INTS6: variants seen among roughly 807,000 people sequenced by gnomAD.
The protein encoded by INTS6 is DEAD box protein.
Under a neutral mutation model 104.9 loss-of-function variants are expected in INTS6, and 16 were observed. The ratio of observed to expected loss-of-function variants is 0.15; its 90% CI spans 0.10 to 0.23. INTS6 has a LOEUF of 0.23. Among genes scored for constraint, INTS6 ranks in the 10% least tolerant of loss-of-function variants. The pLI is 1.00. For synonymous variants in INTS6, 324 were observed against 358.7 expected (o/e 0.90, Z 1.09); for missense variants, 584 against 1,062.8 (o/e 0.55, Z 6.26).
intron 4 of INTS6, among the ~76,000 whole-genome samples, chr13:51,402,102 T>C (rs560713917): frequency 6.6e-6 from 1 of 152,274 alleles, no homozygotes; most frequent in African/African-American, 2.4e-5. Context: ...AGTGGCAATA[T>C]ATTTTTCTCC....
intron 4 of INTS6, among the ~76,000 whole-genome samples, chr13:51,406,319 T>C (rs1358472178): frequency 1.3e-5 from 2 of 152,194 alleles, no homozygotes; most frequent in South Asian, 4.1e-4. Context: ...TCAAAGGGTA[T>C]GTCAAACTAA....
chr13:51,352,684 TC>T (rs1955417932), downstream of INTS6, among the ~76,000 whole-genome samples: 1 of 152,150 alleles, frequency 6.6e-6, no homozygotes, highest in Admixed American at 6.5e-5. Context: ...GGGAAAGTTT[TC>T]AGTCTTTTAC....
intron 7 of INTS6, among the ~76,000 whole-genome samples, chr13:51,386,460 AAAAAG>A (rs1483252447): frequency 7.2e-5 from 11 of 152,220 alleles, no homozygotes; most frequent in Admixed American, 7.2e-4. Flanking sequence ...TCTATCAGAA[AAAAAG>A]AAAAGGTATA....
At chr13:51,406,421 A>AT (rs11369537) in intron 4 of INTS6, among the ~76,000 whole-genome samples, 75,389 of 150,642 alleles carry the variant, frequency 0.5, 19,669 homozygotes, top group African/African-American at 0.67. Flanking sequence ...CATTTATCGA[A>AT]TAATGGATAA....
intron 5 of INTS6, among the ~76,000 whole-genome samples, chr13:51,392,486 A>G (rs985679665): frequency 6.6e-6 from 1 of 152,128 alleles, no homozygotes; most frequent in South Asian, 2.1e-4. Context: ...CTATTACTCT[A>G]TTCCTCCCTA....
intron 15 of INTS6, among the ~76,000 whole-genome samples, chr13:51,372,801 C>T (rs947585986): frequency 1.3e-5 from 2 of 152,230 alleles, no homozygotes; most frequent in Non-Finnish European, 2.9e-5. Flanking sequence ...TGAAACCCCA[C>T]TGTCAGGTCA....
chr13:51,357,802 T>C (rs1348964988), downstream of INTS6, among the ~76,000 whole-genome samples: 2 of 152,238 alleles, frequency 1.3e-5, no homozygotes, highest in African/African-American at 2.4e-5. Context: ...GGCTTTGATA[T>C]AGACCCATGC....
intron 12 of INTS6, 152 bp from the exon 13 acceptor site, chr13:51,376,326 G>T: frequency 1.7e-6 from 1 of 573,436 alleles, no homozygotes; most frequent in Non-Finnish European, 2.7e-6. Flanking sequence ...TAATCTTAAT[G>T]TACCGGTTCA....
At chr13:51,377,556 C>T (rs1043156391) in intron 12 of INTS6, among the ~76,000 whole-genome samples, 21 of 152,048 alleles carry the variant, frequency 1.4e-4, no homozygotes, top group Admixed American at 2.6e-4. Flanking sequence ...TCCAATTGTT[C>T]CATTTGTTTA....
chr13:51,437,992 G>GAGC (rs1387938306), intron 3 of INTS6: 2 of 152,150 alleles, frequency 1.3e-5, no homozygotes, highest in Non-Finnish European at 2.9e-5. Flanking sequence ...CTGGGCGATA[G>GAGC]AGCAAGACTG....
In INTS6 at chr13:51,386,159, A is replaced by G. The variant is rs114746864; in HGVS notation, c.894+1227T>C. The stretch of plus-strand genomic sequence containing the variant: ...TTTTCTCATACTATTTCCTTCTCCA[A>G]TTGAAGTCCTACCTACCCTCTATGG... On this transcript the variant is annotated intron_variant, in intron 7 of 17. Transcript: ENST00000311234. 5.2e-3 allele frequency among the ~76,000 whole-genome samples: 786 copies of G among 152,114 alleles called. 6 individuals are homozygous for G. The highest frequency in any genetic ancestry group is 0.018 in the African/African-American group (730 of 41,484).
intron 4 of INTS6, among the ~76,000 whole-genome samples, chr13:51,399,020 T>A (rs1275381204): frequency 6.6e-6 from 1 of 152,184 alleles, no homozygotes; most frequent in African/African-American, 2.4e-5. Flanking sequence ...TCAAGAAAGA[T>A]AACTTTACTA....
intron 3 of INTS6, chr13:51,440,674 T>TA (rs1294356089): frequency 6.6e-6 from 1 of 152,208 alleles, no homozygotes; most frequent in Non-Finnish European, 1.5e-5. Flanking sequence ...TGAATGCTTG[T>TA]AAGTGTTAAA....
At chr13:51,444,432 G>C (rs1277549112) in intron 3 of INTS6, 1 of 150,894 alleles carries the variant, frequency 6.6e-6, no homozygotes, top group East Asian at 2.0e-4. Flanking sequence ...TTTAAGATTT[G>C]TTTTGAACAA....
At chr13:51,345,996 G>A in the INTS6 span, among the ~76,000 whole-genome samples, 18 of 152,168 alleles carry the variant, frequency 1.2e-4, no homozygotes, top group Non-Finnish European at 2.1e-4. Flanking sequence ...TGGGTGGATG[G>A]TGGCTTCACC....
At chr13:51,394,316 A>G (rs1956296332) in intron 5 of INTS6, among the ~76,000 whole-genome samples, 1 of 152,228 alleles carries the variant, frequency 6.6e-6, no homozygotes. Context: ...AATGACATGA[A>G]TAACAGCTTT....
At chr13:51,399,648 C>T (rs1956399954) in intron 4 of INTS6, among the ~76,000 whole-genome samples, 1 of 152,050 alleles carries the variant, frequency 6.6e-6, no homozygotes, top group African/African-American at 2.4e-5. Context: ...GAACCAGTTG[C>T]TCTGTATCTC....
At chr13:51,366,333 T>TTCTA (rs1195188206) in intron 17 of INTS6, among the ~76,000 whole-genome samples, 1 of 152,010 alleles carries the variant, frequency 6.6e-6, no homozygotes, top group African/African-American at 2.4e-5. Context: ...AACCATGGTA[T>TTCTA]TCTATTACAA....
intron 4 of INTS6, among the ~76,000 whole-genome samples, chr13:51,409,830 A>G (rs1288505269): frequency 6.6e-6 from 1 of 152,194 alleles, no homozygotes; most frequent in African/African-American, 2.4e-5. Flanking sequence ...GTACCTGTCT[A>G]TATTCAGACA....
Sources: gnomAD v4.1 joint callset for allele counts (sites outside exome capture counted in the v4.1 genomes callset) on GRCh38, gnomAD v4.1.1 for gene constraint, MANE v1.5 for transcripts, NCBI Gene and HGNC (gene_info 2026-07-23, HGNC 2026-07-21) for gene names.